The following EYS variants were observed in gnomAD, a reference collection of about 807,000 sequenced individuals.
EYS encodes EGF-like photoreceptor maintenance factor.
Under a neutral mutation model 282.1 loss-of-function variants are expected in EYS, and 250 were observed. The observed-to-expected ratio is 0.89, with a 90% CI of 0.80 to 0.98. EYS has a LOEUF of 0.98. EYS is among the 50% of genes least tolerant of loss of function. The pLI is 0.00. For synonymous variants in EYS, 1,355 were observed against 1,282.9 expected (o/e 1.06, Z -1.20); for missense variants, 4,016 against 3,709.0 (o/e 1.08, Z -2.15).
At chr6:64,122,944 GTGAATATTTAT>G (rs1000754456) in intron 31 of EYS, among the ~76,000 whole-genome samples, 1 of 151,918 alleles carries the variant, frequency 6.6e-6, no homozygotes, top group Non-Finnish European at 1.5e-5. Flanking sequence ...AGTGTTATCA[GTGAATATTTAT>G]TGAATACCTT....
chr6:65,002,475 C>T (rs1771497098), intron 13 of EYS, among the ~76,000 whole-genome samples: 1 of 143,564 alleles, frequency 7.0e-6, no homozygotes, highest in Non-Finnish European at 1.6e-5. Flanking sequence ...TTGCTAGGGC[C>T]CCACCACTAC....
chr6:65,277,216 C>G (rs977985606), intron 12 of EYS, among the ~76,000 whole-genome samples: 1 of 151,948 alleles, frequency 6.6e-6, no homozygotes, highest in Non-Finnish European at 1.5e-5. Context: ...GGGTAGATCA[C>G]GAGGTCAGGA....
chr6:65,053,915 G>A (rs1435488515), intron 13 of EYS, among the ~76,000 whole-genome samples: 1 of 151,914 alleles, frequency 6.6e-6, no homozygotes, highest in African/African-American at 2.4e-5. Context: ...TCATTCTGGA[G>A]TTACATTGTT....
chr6:64,690,478 G>T (rs1481860269), intron 22 of EYS, among the ~76,000 whole-genome samples: 1 of 152,110 alleles, frequency 6.6e-6, no homozygotes, highest in Non-Finnish European at 1.5e-5. Flanking sequence ...CTATTATTGG[G>T]TATATACCCA....
chr6:65,186,918 C>T (rs1426230240), intron 12 of EYS, among the ~76,000 whole-genome samples: 1 of 151,724 alleles, frequency 6.6e-6, no homozygotes, highest in African/African-American at 2.4e-5. Context: ...TATGCTGAGG[C>T]AAGTAGAACC....
intron 13 of EYS, among the ~76,000 whole-genome samples, chr6:65,045,577 C>T (rs1262283972): frequency 6.6e-6 from 1 of 151,808 alleles, no homozygotes; most frequent in African/African-American, 2.4e-5. Context: ...ATCCCTTCTG[C>T]CATGTCAGGT....
chr6:65,313,988 C>G (rs1769230269), intron 11 of EYS, among the ~76,000 whole-genome samples: 1 of 152,138 alleles, frequency 6.6e-6, no homozygotes, highest in Non-Finnish European at 1.5e-5. Flanking sequence ...ATTTTATCCA[C>G]CACCCACTCC....
At chr6:65,440,845 GTA>G (rs137877406) in intron 5 of EYS, among the ~76,000 whole-genome samples, 58 of 141,980 alleles carry the variant, frequency 4.1e-4, no homozygotes, top group South Asian at 1.8e-3. Context: ...AAAAATATGT[GTA>G]TATATATATA....
chr6:64,677,934 A>G (rs1236506713), intron 22 of EYS, among the ~76,000 whole-genome samples: 1 of 152,090 alleles, frequency 6.6e-6, no homozygotes, highest in Non-Finnish European at 1.5e-5. Context: ...AAAAAAAAAA[A>G]TGACTATAAA....
At chr6:64,472,093 T>C (rs1582796070) in intron 26 of EYS, among the ~76,000 whole-genome samples, 3 of 152,210 alleles carry the variant, frequency 2.0e-5, no homozygotes, top group African/African-American at 7.2e-5. Context: ...ATTCTGGAAA[T>C]GTACTGTGGA....
At chr6:64,270,612 T>A (rs941562283) in intron 30 of EYS, among the ~76,000 whole-genome samples, 4 of 152,202 alleles carry the variant, frequency 2.6e-5, no homozygotes, top group African/African-American at 9.6e-5. Context: ...AGTGACAGAT[T>A]GATATGTGAG....
chr6:64,791,457 C>A (rs1400250132), intron 22 of EYS, among the ~76,000 whole-genome samples: 1 of 151,750 alleles, frequency 6.6e-6, no homozygotes, highest in East Asian at 1.9e-4. Flanking sequence ...GAAAAGTAAA[C>A]TCAAAATATC....
chr6:64,455,809 C>T (rs1007894346), intron 26 of EYS, among the ~76,000 whole-genome samples: 1 of 151,952 alleles, frequency 6.6e-6, no homozygotes, highest in Non-Finnish European at 1.5e-5. Flanking sequence ...AAGTGATACC[C>T]TTTAACTCAT....
intron 18 of EYS, among the ~76,000 whole-genome samples, chr6:64,890,275 C>T (rs547169549): frequency 2.6e-5 from 4 of 152,246 alleles, no homozygotes; most frequent in Non-Finnish European, 4.4e-5. Flanking sequence ...CCTGTGATCT[C>T]GCCCTGCCTC....
chr6:64,914,221 C>T (rs2150077712), intron 15 of EYS, among the ~76,000 whole-genome samples: 1 of 152,212 alleles, frequency 6.6e-6, no homozygotes, highest in African/African-American at 2.4e-5. Context: ...GGTAGTCCAT[C>T]AGCTGGGTAA....
chr6:65,455,097 C>G (rs760809845), intron 5 of EYS, among the ~76,000 whole-genome samples: 9 of 152,088 alleles, frequency 5.9e-5, no homozygotes, highest in Non-Finnish European at 1.3e-4. Flanking sequence ...TAGGGTAGTA[C>G]AGCCACATAA....
intron 5 of EYS, among the ~76,000 whole-genome samples, chr6:65,468,864 A>G (rs2150415186): frequency 6.6e-6 from 1 of 152,140 alleles, no homozygotes; most frequent in South Asian, 2.1e-4. Flanking sequence ...GATATCTTTA[A>G]TGTCCTTCAC....
chr6:64,368,638 A>G (rs1434703353), intron 29 of EYS, among the ~76,000 whole-genome samples: 2 of 151,870 alleles, frequency 1.3e-5, no homozygotes, highest in East Asian at 3.9e-4. Context: ...TGTGGTTTTG[A>G]TTTGCATTTC....
intron 19 of EYS, among the ~76,000 whole-genome samples, chr6:64,886,081 G>T (rs1767075840): frequency 6.6e-6 from 1 of 151,768 alleles, no homozygotes; most frequent in Non-Finnish European, 1.5e-5. Flanking sequence ...CTATATTATT[G>T]TTAGTCCCAT....
Sources: allele counts gnomAD v4.1 joint callset (sites outside exome capture counted in the v4.1 genomes callset), GRCh38; gene constraint gnomAD v4.1.1; transcripts MANE v1.5; gene names NCBI Gene and HGNC (gene_info 2026-07-23, HGNC 2026-07-21).